DNAJB6: variants seen among roughly 807,000 people sequenced by gnomAD.
DNAJB6 encodes dnaJ homolog subfamily B member 6.
DNAJB6 carries 16 observed loss-of-function variants against 42.7 expected under a neutral mutation model. That is an observed-to-expected ratio of 0.37 (90% CI 0.25 to 0.57). The LOEUF (loss-of-function observed/expected upper bound fraction) is 0.57, where lower values mean the gene tolerates loss of function less well. Ranked by LOEUF, DNAJB6 falls within the 20% of genes least tolerant of loss-of-function variation. DNAJB6 has a pLI of 0.74. For missense variants in DNAJB6, 347 were observed against 416.8 expected (o/e 0.83, Z 1.46); for synonymous variants, 170 against 163.5 (o/e 1.04, Z -0.30).
chr7:157,348,286 G>T (rs1283358593), intron 1 of DNAJB6, among the ~76,000 whole-genome samples: 1 of 151,860 alleles, frequency 6.6e-6, no homozygotes, highest in Non-Finnish European at 1.5e-5. Flanking sequence ...TAGAGATGGG[G>T]TTTCGCCATG....
At chr7:157,361,772 T>TCATTCATG (rs1799612399) in intron 2 of DNAJB6, among the ~76,000 whole-genome samples, 1 of 151,316 alleles carries the variant, frequency 6.6e-6, no homozygotes, top group African/African-American at 2.4e-5. Flanking sequence ...ATTCATTCAT[T>TCATTCATG]CATGCATTCA....
At chr7:157,385,228 A>G (rs563965809) in intron 7 of DNAJB6, among the ~76,000 whole-genome samples, 150 of 142,534 alleles carry the variant, frequency 1.1e-3, no homozygotes, top group Admixed American at 3.3e-3. Flanking sequence ...AATACAGTGT[A>G]ATAAGTTTCT....
intron 2 of DNAJB6, among the ~76,000 whole-genome samples, chr7:157,360,315 G>C (rs1391797724): frequency 6.6e-6 from 1 of 152,186 alleles, no homozygotes; most frequent in Non-Finnish European, 1.5e-5. Context: ...CAGGAGAATA[G>C]CACGGGAAAG....
At chr7:157,347,004 C>G (rs1013939882) in intron 1 of DNAJB6, among the ~76,000 whole-genome samples, 1 of 152,150 alleles carries the variant, frequency 6.6e-6, no homozygotes, top group Non-Finnish European at 1.5e-5. Context: ...TACAGGCGCC[C>G]GCCACCACGC....
At chr7:157,410,332 G>A (rs955749624) in intron 9 of DNAJB6, 13 of 480,566 alleles carry the variant, frequency 2.7e-5, no homozygotes, top group African/African-American at 2.2e-4. Flanking sequence ...TCAGCGTAGA[G>A]CTTGAGGCCT....
intron 3 of DNAJB6, among the ~76,000 whole-genome samples, chr7:157,366,006 AATGGCACG>A (rs1442533602): frequency 2.6e-5 from 4 of 151,656 alleles, no homozygotes; most frequent in Non-Finnish European, 4.4e-5. Context: ...GCTGGAGTGC[AATGGCACG>A]ATCTTGGCTC....
chr7:157,394,443 C>A lies in DNAJB6; in HGVS notation c.691+8832C>A, dbSNP rs371818262. 5.3e-5 allele frequency among the ~76,000 whole-genome samples: 8 copies of A among 151,722 alleles called. No homozygotes were observed. The East Asian group carries it at 1.6e-3, about 30-fold the overall frequency. On this transcript the variant is annotated intron_variant, in intron 8 of 9. Transcript: ENST00000262177. ...ACTTTGAGTGGCTAAGTGGGTGGAT[C>A]GCTTGAGCCCTGGAGGTCGAGGCTA...
chr7:157,383,607 GTGTT>G (rs1401959730), intron 6 of DNAJB6, among the ~76,000 whole-genome samples: 1 of 78,378 alleles, frequency 1.3e-5, no homozygotes, highest in Non-Finnish European at 2.7e-5. Context: ...TCCTGTATGT[GTGTT>G]TGTGTGTGTG....
chr7:157,370,097 A>T lies in DNAJB6; in HGVS notation c.346+2614A>T, dbSNP rs368987140. ...CGGGCCCCTTCTTAACATTATTATT[A>T]AACAGGCCCCTTCTTAACATTATTA... is the stretch of plus-strand genomic sequence containing the variant. On this transcript the variant is annotated intron_variant, in intron 5 of 9. Coordinates refer to ENST00000262177, the MANE Select transcript of DNAJB6 (RefSeq NM_058246.4). Among the ~76,000 whole-genome samples, 22 of 149,448 alleles carry T rather than the reference A, an allele frequency of 1.5e-4. No individual in the cohort carries two copies. The East Asian group carries it at 4.1e-3, about 28-fold the overall frequency.
intron 1 of DNAJB6, 78 bp from the exon 2 acceptor site, chr7:157,358,469 C>T (rs1249307398): frequency 1.4e-5 from 13 of 900,990 alleles, no homozygotes; most frequent in Non-Finnish European, 2.2e-5. Flanking sequence ...CCCCTTCCTC[C>T]CTCTCCAGAC....
At position 157,391,081 on chromosome 7, in the gene DNAJB6, T is replaced by A. The variant is rs181151145; in HGVS notation, c.691+5470T>A. On this transcript the variant is annotated intron_variant, in intron 8 of 9. Transcript: ENST00000262177. ...GAACTCTTGGGCTCGAGCGCATCAC[T>A]CACTTTGGCCTCCCAGAGTGCTGGG... 3.2e-3 allele frequency among the ~76,000 whole-genome samples: 484 copies of A among 152,266 alleles called. 12 individuals are homozygous for A. Among genetic ancestry groups the A allele is most frequent in the East Asian group, 1.4e-3 (7 of 5,178 alleles).
intron 1 of DNAJB6, among the ~76,000 whole-genome samples, chr7:157,340,998 G>GTGCGTGCGCGCGCGCGCGCGCT (rs67210462): frequency 1.5e-5 from 2 of 134,960 alleles, no homozygotes; most frequent in East Asian, 4.3e-4. Context: ...GTGTGTGTGT[G>GTGCGTGCGCGCGCGCGCGCGCT]CGCGCGCGCA....
chr7:157,358,456 C>T, intron 1 of DNAJB6, 91 bp from the exon 2 acceptor site: 2 of 785,716 alleles, frequency 2.5e-6, no homozygotes, highest in Non-Finnish European at 2.2e-6. Flanking sequence ...TAAGGTGACA[C>T]CACCCCTTCC....
rs754703559 is a variant in DNAJB6, at chr7:157,358,565, C to T, written c.-8C>T. 9.9e-6 allele frequency: 16 copies of T among 1,612,618 alleles called. No individual in the cohort carries two copies. The highest frequency in any genetic ancestry group is 6.7e-5 in the East Asian group (3 of 44,886). ...CTTGCAGGACCCATTCCAACAATCT[C>T]GTAAAACATGGTGGATTACTATGAA... On this transcript the variant is annotated 5_prime_UTR_variant, in exon 2 of 10. Coordinates refer to ENST00000262177, the MANE Select transcript of DNAJB6 (RefSeq NM_058246.4).
chr7:157,404,439 G>A (rs572465155), intron 8 of DNAJB6, among the ~76,000 whole-genome samples: 2 of 147,800 alleles, frequency 1.4e-5, no homozygotes, highest in South Asian at 2.2e-4. Flanking sequence ...CTGTAGGCGT[G>A]CAACAGCGCA....
intron 2 of DNAJB6, among the ~76,000 whole-genome samples, chr7:157,362,175 T>A (rs1309343819): frequency 1.3e-5 from 2 of 152,234 alleles, no homozygotes; most frequent in African/African-American, 4.8e-5. Context: ...TAACTCTGTT[T>A]AGATCTTGAA....
At chr7:157,403,219 G>T (rs765435744) in intron 8 of DNAJB6, among the ~76,000 whole-genome samples, 36 of 152,318 alleles carry the variant, frequency 2.4e-4, no homozygotes, top group Non-Finnish European at 5.0e-4. Flanking sequence ...ATGAGAGGGG[G>T]TAGGGGAAGG....
chr7:157,404,664 C>T (rs1231609423), intron 8 of DNAJB6, among the ~76,000 whole-genome samples: 2 of 151,948 alleles, frequency 1.3e-5, no homozygotes, highest in Non-Finnish European at 2.9e-5. Flanking sequence ...GCACACGCCA[C>T]CACACCCGAC....
chr7:157,339,598 CTTTT>C (rs1438587088), intron 1 of DNAJB6, among the ~76,000 whole-genome samples: 1,885 of 134,260 alleles, frequency 0.014, 15 homozygotes, highest in East Asian at 0.023. Flanking sequence ...CGCGCCCGGC[CTTTT>C]GTGTGTGTGT....
Sources: allele counts gnomAD v4.1 joint callset (sites outside exome capture counted in the v4.1 genomes callset), GRCh38; gene constraint gnomAD v4.1.1; transcripts MANE v1.5; gene names NCBI Gene and HGNC (gene_info 2026-07-23, HGNC 2026-07-21).